The following DRC5 variants were observed in gnomAD, a reference collection of about 807,000 sequenced individuals.
The protein encoded by DRC5 is dynein regulatory complex subunit 5.
chr6:44,285,101 C>T, the DRC5 span, among the ~76,000 whole-genome samples: 1 of 152,204 alleles, frequency 6.6e-6, no homozygotes, highest in Non-Finnish European at 1.5e-5. Context: ...CCCATAGAGC[C>T]TGTATGCACT....
chr6:44,283,417 G>C, the DRC5 span, among the ~76,000 whole-genome samples: 1 of 152,148 alleles, frequency 6.6e-6, no homozygotes, highest in African/African-American at 2.4e-5. Context: ...TGAAGGAAAG[G>C]GGATGGGGCT....
chr6:44,290,785 T>C, the DRC5 span, among the ~76,000 whole-genome samples: 60 of 152,300 alleles, frequency 3.9e-4, no homozygotes, highest in Non-Finnish European at 7.4e-4. Context: ...GACTCTTTAG[T>C]CATTCCTCAC....
chr6:44,288,217 A>T, the DRC5 span, among the ~76,000 whole-genome samples: 4 of 152,292 alleles, frequency 2.6e-5, no homozygotes, highest in South Asian at 8.3e-4. Flanking sequence ...AATTTTAGAT[A>T]ATAGCTCTAC....
chr6:44,293,469 C>T, the DRC5 span, among the ~76,000 whole-genome samples: 29 of 152,122 alleles, frequency 1.9e-4, no homozygotes, highest in African/African-American at 6.8e-4. Flanking sequence ...AAAATCTTCT[C>T]ATGTGACTCT....
chr6:44,297,677 C>G, the DRC5 span: 3 of 152,220 alleles, frequency 2.0e-5, no homozygotes, highest in African/African-American at 7.2e-5. Context: ...GGAGCCCCGG[C>G]GCTCGCCTCA....
the DRC5 span, among the ~76,000 whole-genome samples, chr6:44,284,063 G>A: frequency 6.6e-6 from 1 of 152,088 alleles, no homozygotes; most frequent in Admixed American, 6.5e-5. Flanking sequence ...AGCTCTCATC[G>A]GTTATGGCTG....
chr6:44,286,333 G>A, the DRC5 span: 1 of 1,613,798 alleles, frequency 6.2e-7, no homozygotes, highest in Non-Finnish European at 8.5e-7. Context: ...GGTTCTCCAG[G>A]TGCCGCTCGA....
chr6:44,294,691 G>A, the DRC5 span, among the ~76,000 whole-genome samples: 1 of 136,808 alleles, frequency 7.3e-6, no homozygotes, highest in Non-Finnish European at 1.5e-5. Context: ...AATGAAGGTT[G>A]AACCCAGGAG....
At chr6:44,283,459 C>T in the DRC5 span, among the ~76,000 whole-genome samples, 1 of 152,152 alleles carries the variant, frequency 6.6e-6, no homozygotes, top group Non-Finnish European at 1.5e-5. Flanking sequence ...GGGAACCTCT[C>T]CCCCTCACCT....
chr6:44,288,544 A>G, the DRC5 span, among the ~76,000 whole-genome samples: 1 of 152,354 alleles, frequency 6.6e-6, no homozygotes, highest in Non-Finnish European at 1.5e-5. Flanking sequence ...CATTCAGCTC[A>G]TAACAGGACC....
chr6:44,285,973 G>A, the DRC5 span: 2 of 1,613,166 alleles, frequency 1.2e-6, no homozygotes, highest in Non-Finnish European at 1.7e-6. Context: ...CCTTGAGGGT[G>A]TGGCATGCCT....
the DRC5 span, chr6:44,282,504 C>G: frequency 6.2e-7 from 1 of 1,606,662 alleles, no homozygotes; most frequent in Non-Finnish European, 8.5e-7. Context: ...CAGAAGGCTT[C>G]GAATTATGAT....
At chr6:44,289,007 AAAAAAAAAAAAAAAAG>A in the DRC5 span, among the ~76,000 whole-genome samples, 2 of 143,502 alleles carry the variant, frequency 1.4e-5, no homozygotes. Flanking sequence ...AAAAAAAAAA[AAAAAAAAAAAAAAAAG>A]AAAAACAGGT....
the DRC5 span, among the ~76,000 whole-genome samples, chr6:44,281,381 A>G: frequency 1.1e-4 from 16 of 152,180 alleles, no homozygotes; most frequent in Non-Finnish European, 2.4e-4. Flanking sequence ...GTCAGTGTTC[A>G]TGTAAATTGC....
the DRC5 span, among the ~76,000 whole-genome samples, chr6:44,296,832 C>T: frequency 1.5e-5 from 2 of 130,880 alleles, no homozygotes; most frequent in East Asian, 4.7e-4. Context: ...TCTACAGCCA[C>T]CTCCATATCC....
the DRC5 span, chr6:44,287,333 G>A: frequency 5.4e-6 from 4 of 734,866 alleles, no homozygotes; most frequent in Non-Finnish European, 6.7e-6. Flanking sequence ...GGTGCAGTGT[G>A]GGTGGGAGTC....
At chr6:44,290,536 T>C in the DRC5 span, among the ~76,000 whole-genome samples, 134,635 of 152,138 alleles carry the variant, frequency 0.88, 60,887 homozygotes, top group East Asian at 1. Context: ...TTTCCAGGAG[T>C]GATGTGAAGG....
the DRC5 span, among the ~76,000 whole-genome samples, chr6:44,288,836 A>T: frequency 6.6e-6 from 1 of 151,688 alleles, no homozygotes; most frequent in Admixed American, 6.6e-5. Flanking sequence ...TCTACTAAAA[A>T]TACACAGATT....
chr6:44,286,289 G>A, the DRC5 span: 1 of 1,613,140 alleles, frequency 6.2e-7, no homozygotes, highest in Non-Finnish European at 8.5e-7. Context: ...GATCACCGCA[G>A]GGTCTGTGGT....
Sources: gnomAD v4.1 joint callset for allele counts (sites outside exome capture counted in the v4.1 genomes callset) on GRCh38, gnomAD v4.1.1 for gene constraint, MANE v1.5 for transcripts, NCBI Gene and HGNC (gene_info 2026-07-23, HGNC 2026-07-21) for gene names.